The following RHOBTB3 variants were observed in gnomAD, a reference collection of about 807,000 sequenced individuals.
RHOBTB3 encodes the protein rho-related BTB domain-containing protein 3.
RHOBTB3 carries 47 observed loss-of-function variants against 67.2 expected under a neutral mutation model. That is an observed-to-expected ratio of 0.70 (90% CI 0.55 to 0.89). RHOBTB3 has a LOEUF of 0.89. RHOBTB3 is among the 40% of genes least tolerant of loss of function. The pLI, the probability that RHOBTB3 is intolerant of heterozygous loss-of-function variation, is 0.00. For synonymous variants in RHOBTB3, 273 were observed against 274.2 expected, an observed-to-expected ratio of 1.00 and a Z score of 0.04; for missense variants, 631 against 750.0, an observed-to-expected ratio of 0.84 and a Z score of 1.85.
At chr5:95,726,965 CT>C (rs555991634), upstream of RHOBTB3, among the ~76,000 whole-genome samples, 2,849 of 148,802 alleles carry the variant, frequency 0.019, 34 homozygotes, top group Non-Finnish European at 0.031. Flanking sequence ...CGTTTCCCCC[CT>C]TTTTTTTTTC....
chr5:95,768,134 C>G lies in RHOBTB3; in HGVS notation c.1250C>G (p.Pro417Arg), dbSNP rs768905935. Residue 417 changes from proline to arginine, a missense_variant, in exon 8 of 12, where the codon CCG becomes CGG. Coordinates refer to ENST00000379982, the MANE Select transcript of RHOBTB3 (RefSeq NM_014899.4). ...TCCCTCAAGTTTTTCCTTAATAAGC[C>G]GATGCTTGCCGATGTTGTCTTCGAA... ...NTSLKFFLNK[P>R]MLADVVFEIQ... The G allele has an allele frequency of 6.2e-7, 1 of 1,613,134 alleles. No homozygotes were observed. The highest frequency in any genetic ancestry group is 8.5e-7 in the Non-Finnish European group (1 of 1,179,520).
chr5:95,755,552 T>G lies in RHOBTB3; in HGVS notation c.839T>G (p.Val280Gly), dbSNP rs1304919870. The change falls in exon 6 of 12, where the codon GTT becomes GGT. Residue 280 changes from valine to glycine, a missense_variant. Physicochemically the swap from Val to Gly is moderately radical, Grantham distance 109. Coordinates refer to ENST00000379982, the MANE Select transcript of RHOBTB3 (RefSeq NM_014899.4). ...ATCGTTCTCTGCGCTGTAAGCCATG[T>G]TTTCATGCTGCTTTTCAATGTGAAG... ...HKIVLCAVSH[V>G]FMLLFNVKSP... The G allele has an allele frequency of 1.9e-6, 3 of 1,614,048 alleles. No homozygotes were observed. In the African/African-American group the frequency reaches 4.0e-5, roughly 22 times the overall value.
rs187227485 is a variant in RHOBTB3 at position 95,794,456 on chromosome 5, C to T, written c.*1282C>T. 6.1e-6 allele frequency: 1 copy of T among 163,214 alleles called. No homozygotes were observed. Among genetic ancestry groups the T allele is most frequent in the African/African-American group, 2.4e-5 (1 of 41,606 alleles). 10.1% of individuals were successfully genotyped at this position (163,214 alleles called of 1,614,324 possible). A position where few individuals can be genotyped will look rare whatever the true frequency, so the allele number is the denominator to read the frequency against. On this transcript the variant is annotated 3_prime_UTR_variant, in exon 12 of 12. Coordinates refer to ENST00000379982, the MANE Select transcript of RHOBTB3 (RefSeq NM_014899.4). ...TAAAGAGTAGCATGAATCTTGTGCT[C>T]TAATATTACACAGTAAGTTCAAAGA... is the stretch of plus-strand genomic sequence containing the variant.
At chr5:95,729,619 T>C (rs1755162411), upstream of RHOBTB3, among the ~76,000 whole-genome samples, 1 of 152,226 alleles carries the variant, frequency 6.6e-6, no homozygotes, top group African/African-American at 2.4e-5. Context: ...GCAACAGATC[T>C]CTGTAACTTT....
At chr5:95,722,513 T>C (rs775694270) in intron 1 of RHOBTB3, among the ~76,000 whole-genome samples, 2 of 152,226 alleles carry the variant, frequency 1.3e-5, no homozygotes, top group South Asian at 2.1e-4. Flanking sequence ...TTTTTTGAGA[T>C]GGAGTCTCGC....
intron 3 of RHOBTB3, among the ~76,000 whole-genome samples, chr5:95,737,401 C>A (rs1044772456): frequency 6.6e-6 from 1 of 152,140 alleles, no homozygotes; most frequent in Non-Finnish European, 1.5e-5. Context: ...TTTTGATGAT[C>A]TGAAGGTCTA....
rs755994749 is a variant in RHOBTB3, at chr5:95,795,512, A to G, written c.*2338A>G. On this transcript the variant is annotated 3_prime_UTR_variant, in exon 12 of 12. Transcript: ENST00000379982. The stretch of plus-strand genomic sequence containing the variant: ...TTCTTGAAAATACTATTTAATGTTT[A>G]ACTAGACTATAGGTAGTTCCTTAAG... The G allele has an allele frequency of 2.0e-5, 3 of 152,252 alleles. No individual in the cohort carries two copies. The allele number at this position is 152,252 out of a possible 1,614,324, so 9.4% of individuals were successfully genotyped here.
chr5:95,738,832 C>A (rs933199368), intron 3 of RHOBTB3, among the ~76,000 whole-genome samples: 2 of 152,092 alleles, frequency 1.3e-5, no homozygotes, highest in Admixed American at 6.5e-5. Context: ...TATCTCTTAT[C>A]GAAGAGATAA....
At chr5:95,766,005 A>T (rs894961940) in intron 7 of RHOBTB3, among the ~76,000 whole-genome samples, 1 of 152,074 alleles carries the variant, frequency 6.6e-6, no homozygotes, top group Non-Finnish European at 1.5e-5. Context: ...CGTGGCGGTC[A>T]CTTGACTCCC....
chr5:95,764,869 GA>G (rs1745498428), intron 7 of RHOBTB3, among the ~76,000 whole-genome samples: 1 of 151,514 alleles, frequency 6.6e-6, no homozygotes, highest in South Asian at 2.1e-4. Context: ...TAAGGGGTAA[GA>G]TTTTTTTTTT....
intron 8 of RHOBTB3, among the ~76,000 whole-genome samples, chr5:95,774,971 A>G (rs926784498): frequency 3.3e-5 from 5 of 152,162 alleles, no homozygotes; most frequent in African/African-American, 9.7e-5. Flanking sequence ...AAGTCTTGAA[A>G]CAGTGTTGTA....
At chr5:95,774,460 A>G (rs1179006903) in intron 8 of RHOBTB3, among the ~76,000 whole-genome samples, 2 of 152,172 alleles carry the variant, frequency 1.3e-5, no homozygotes, top group Non-Finnish European at 2.9e-5. Context: ...TAATGTCATT[A>G]TATGGCTATA....
intron 10 of RHOBTB3, among the ~76,000 whole-genome samples, chr5:95,784,874 G>C (rs192635996): frequency 2.6e-4 from 39 of 152,188 alleles, no homozygotes; most frequent in Admixed American, 2.5e-3. Context: ...CAGCACTTGT[G>C]GTAGTTATGG....
At chr5:95,728,393 T>C (rs1755121648), upstream of RHOBTB3, among the ~76,000 whole-genome samples, 1 of 152,214 alleles carries the variant, frequency 6.6e-6, no homozygotes, top group Admixed American at 6.5e-5. Flanking sequence ...AAATACTCCT[T>C]CCCTTCTAAC....
intron 5 of RHOBTB3, among the ~76,000 whole-genome samples, chr5:95,753,071 G>A (rs1258194181): frequency 1.3e-5 from 2 of 152,138 alleles, no homozygotes; most frequent in Non-Finnish European, 2.9e-5. Flanking sequence ...GGCGGAGCTT[G>A]CAGTGAGCAG....
chr5:95,781,407 A>T (rs1277586803), intron 9 of RHOBTB3: 4 of 152,244 alleles, frequency 2.6e-5, no homozygotes, highest in African/African-American at 9.6e-5. Flanking sequence ...TGGGTATTGA[A>T]ATAAGTTTTA....
intron 1 of RHOBTB3, among the ~76,000 whole-genome samples, chr5:95,724,408 T>C (rs1185462533): frequency 6.6e-6 from 1 of 152,284 alleles, no homozygotes; most frequent in Non-Finnish European, 1.5e-5. Flanking sequence ...ACTGAAATTA[T>C]ATTTGGAAAA....
intron 2 of RHOBTB3, among the ~76,000 whole-genome samples, chr5:95,733,734 A>T (rs760473373): frequency 6.6e-6 from 1 of 152,144 alleles, no homozygotes; most frequent in Non-Finnish European, 1.5e-5. Context: ...ATGAGATTCC[A>T]TTTCTAGAGT....
Position 95,793,338 on chromosome 5 carries a change from G to A in RHOBTB3, c.*164G>A. 2.0e-6 allele frequency: 1 copy of A among 494,400 alleles called. No homozygotes were observed. 30.6% of individuals were successfully genotyped at this position (494,400 alleles called of 1,614,324 possible). A position where few individuals can be genotyped will look rare whatever the true frequency, so the allele number is the denominator to read the frequency against. On this transcript the variant is annotated 3_prime_UTR_variant, in exon 12 of 12. Transcript: ENST00000379982. ...CTCTTTGGAAAAAAACTACCACTGT[G>A]GTCTTAAAAGGGAACAAAATATACC...
Sources: allele counts gnomAD v4.1 joint callset (sites outside exome capture counted in the v4.1 genomes callset), GRCh38; gene constraint gnomAD v4.1.1; transcripts MANE v1.5; gene names NCBI Gene and HGNC (gene_info 2026-07-23, HGNC 2026-07-21).